POU6F2: variants seen among roughly 807,000 people sequenced by gnomAD.
The protein encoded by POU6F2 is POU domain, class 6, transcription factor 2.
POU6F2 carries 31 observed loss-of-function variants against 71.3 expected under a neutral mutation model. The observed-to-expected ratio is 0.43, with a 90% CI of 0.33 to 0.59. The LOEUF is 0.59. Ranked by LOEUF, POU6F2 falls within the 20% of genes least tolerant of loss-of-function variation. The pLI is 0.04. For missense variants in POU6F2, 783 were observed against 856.8 expected (o/e 0.91, Z 1.07); for synonymous variants, 347 against 355.7 (o/e 0.98, Z 0.27).
rs1785967796 is a variant in POU6F2, at chr7:39,343,586, C to T, written c.972+3571C>T. On this transcript the variant is annotated intron_variant, in intron 5 of 9. Coordinates refer to ENST00000518318, the MANE Select transcript of POU6F2 (RefSeq NM_001370959.1). ...AAATTTCAGACATCTTATAAAAGCC[C>T]TATTGTGCACATATTCCCTCTTGAG... is the stretch of plus-strand genomic sequence containing the variant. Among the ~76,000 whole-genome samples, 2 of 152,028 alleles carry T rather than the reference C, an allele frequency of 1.3e-5. 1 individual carries two copies. Among genetic ancestry groups the T allele is most frequent in the African/African-American group, 4.8e-5 (2 of 41,386 alleles).
At chr7:39,462,332 C>T (rs1041236873) in intron 9 of POU6F2, among the ~76,000 whole-genome samples, 2 of 152,002 alleles carry the variant, frequency 1.3e-5, no homozygotes, top group Non-Finnish European at 2.9e-5. Context: ...AGCTATCTAC[C>T]AAGAAAAGAA....
intron 2 of POU6F2, among the ~76,000 whole-genome samples, chr7:39,146,225 G>T (rs754297968): frequency 3.3e-5 from 5 of 152,204 alleles, no homozygotes; most frequent in Non-Finnish European, 5.9e-5. Flanking sequence ...TGCTTTTGGA[G>T]GGTGGGCATG....
chr7:38,994,630 A>G (rs1233599741), intron 1 of POU6F2, among the ~76,000 whole-genome samples: 1 of 152,060 alleles, frequency 6.6e-6, no homozygotes, highest in Non-Finnish European at 1.5e-5. Flanking sequence ...TGACACTCTG[A>G]ATAAAGAAGA....
chr7:39,393,157 T>C (rs1787108212), intron 5 of POU6F2, among the ~76,000 whole-genome samples: 1 of 152,250 alleles, frequency 6.6e-6, no homozygotes, highest in Non-Finnish European at 1.5e-5. Flanking sequence ...TTAATGTGTT[T>C]AGAACAAACT....
intron 1 of POU6F2, among the ~76,000 whole-genome samples, chr7:38,995,813 T>C (rs973256958): frequency 3.9e-5 from 6 of 152,340 alleles, no homozygotes; most frequent in African/African-American, 7.2e-5. Context: ...AGATAATTCA[T>C]GTAGAGAATG....
At position 39,213,030 on chromosome 7, in the gene POU6F2, A is replaced by G. The variant is rs185634756; in HGVS notation, c.598+5410A>G. Among the ~76,000 whole-genome samples, 495 of 152,352 alleles carry G rather than the reference A, an allele frequency of 3.2e-3. 1 individual carries two copies. The highest frequency in any genetic ancestry group is 0.012 in the African/African-American group (484 of 41,580). On this transcript the variant is annotated intron_variant, in intron 4 of 9. Coordinates refer to ENST00000518318, the MANE Select transcript of POU6F2 (RefSeq NM_001370959.1). ...TGGTTCAGGTTAGTGACTTGTTCTC[A>G]CAGCACAGGCCAGAATGACCTACTA...
chr7:39,256,135 T>C (rs1275055821), intron 4 of POU6F2, among the ~76,000 whole-genome samples: 3 of 92,154 alleles, frequency 3.3e-5, no homozygotes, highest in Non-Finnish European at 4.4e-5. Flanking sequence ...TCTGATACAC[T>C]GCTTTTTTTT....
intron 4 of POU6F2, among the ~76,000 whole-genome samples, chr7:39,302,662 A>G (rs1784971248): frequency 6.6e-6 from 1 of 152,250 alleles, no homozygotes; most frequent in Non-Finnish European, 1.5e-5. Flanking sequence ...GAAAGAAACA[A>G]TCAATGAGAG....
At chr7:39,239,414 G>C (rs28534765) in intron 4 of POU6F2, among the ~76,000 whole-genome samples, 62,625 of 151,956 alleles carry the variant, frequency 0.41, 13,531 homozygotes, top group East Asian at 0.68. Flanking sequence ...GAATATTTAT[G>C]GTTTTTATTT....
intron 1 of POU6F2, among the ~76,000 whole-genome samples, chr7:39,028,883 G>A (rs922680800): frequency 6.6e-6 from 1 of 151,838 alleles, no homozygotes; most frequent in Non-Finnish European, 1.5e-5. Context: ...ACAATTCATT[G>A]CAGCCTCAAC....
intron 8 of POU6F2, among the ~76,000 whole-genome samples, chr7:39,458,046 A>T (rs1583620190): frequency 2.1e-5 from 3 of 144,642 alleles, no homozygotes; most frequent in African/African-American, 7.8e-5. Flanking sequence ...AATACCACAG[A>T]TATGTTGCAC....
intron 4 of POU6F2, among the ~76,000 whole-genome samples, chr7:39,235,488 C>T (rs909187807): frequency 6.6e-6 from 1 of 152,168 alleles, no homozygotes; most frequent in Non-Finnish European, 1.5e-5. Flanking sequence ...CACCGGGCCA[C>T]CCTGCCCCTT....
intron 4 of POU6F2, among the ~76,000 whole-genome samples, chr7:39,259,571 G>A (rs1049153068): frequency 7.9e-5 from 12 of 152,258 alleles, no homozygotes; most frequent in East Asian, 3.9e-4. Flanking sequence ...TCCAAGGGCC[G>A]TGTTGCCCTC....
intron 6 of POU6F2, among the ~76,000 whole-genome samples, chr7:39,415,620 G>A (rs988064915): frequency 1.3e-5 from 2 of 152,320 alleles, no homozygotes; most frequent in African/African-American, 4.8e-5. Flanking sequence ...TGTAACGAAT[G>A]TTCACATGAC....
chr7:39,427,412 CT>C (rs1332487814), intron 6 of POU6F2, among the ~76,000 whole-genome samples: 1 of 152,084 alleles, frequency 6.6e-6, no homozygotes, highest in African/African-American at 2.4e-5. Flanking sequence ...CCTTTAATGG[CT>C]TTTAAGAAGC....
At position 39,152,533 on chromosome 7, in the gene POU6F2, G is replaced by A. The variant is rs539884863; in HGVS notation, c.278-51702G>A. On this transcript the variant is annotated intron_variant, in intron 2 of 9. Transcript: ENST00000518318. ...AGGTGGCAAATGGGCAAAGCAGTGA[G>A]GGGTGCCAGCCCAAGAAGTCTGGTC... Among the ~76,000 whole-genome samples, 478 of 152,212 alleles carry A rather than the reference G, an allele frequency of 3.1e-3. 3 individuals carry two copies. Among genetic ancestry groups the A allele is most frequent in the Middle Eastern group, 6.8e-3 (2 of 294 alleles).
At chr7:39,067,555 A>T (rs10480175) in intron 1 of POU6F2, among the ~76,000 whole-genome samples, 48,178 of 151,812 alleles carry the variant, frequency 0.32, 8,311 homozygotes, top group African/African-American at 0.46. Context: ...TTACATTTTA[A>T]TTTTCACTAA....
intron 4 of POU6F2, among the ~76,000 whole-genome samples, chr7:39,230,517 A>G (rs937017167): frequency 6.6e-6 from 1 of 152,016 alleles, no homozygotes; most frequent in East Asian, 1.9e-4. Context: ...TCAAGATAGC[A>G]TGGTTTGATT....
intron 7 of POU6F2, among the ~76,000 whole-genome samples, chr7:39,445,739 C>T (rs1281937599): frequency 6.6e-6 from 1 of 152,224 alleles, no homozygotes; most frequent in African/African-American, 2.4e-5. Context: ...AATTTGTGCT[C>T]TTGTCCTGTC....
Sources: gnomAD v4.1 joint callset for allele counts (sites outside exome capture counted in the v4.1 genomes callset) on GRCh38, gnomAD v4.1.1 for gene constraint, MANE v1.5 for transcripts, NCBI Gene and HGNC (gene_info 2026-07-23, HGNC 2026-07-21) for gene names.